ANTXR2: variants seen among roughly 807,000 people sequenced by gnomAD.
ANTXR2 encodes anthrax toxin receptor 2.
A neutral mutation model predicts 73.7 loss-of-function variants in ANTXR2; 44 were observed. The ratio of observed to expected loss-of-function variants is 0.60; its 90% CI spans 0.47 to 0.77. The LOEUF (loss-of-function observed/expected upper bound fraction) is 0.77. Among genes scored for constraint, ANTXR2 ranks in the 30% least tolerant of loss-of-function variants. ANTXR2 has a pLI of 0.00. For missense variants in ANTXR2, 604 were observed against 592.5 expected (o/e 1.02, Z -0.20); for synonymous variants, 217 against 205.9 (o/e 1.05, Z -0.46).
intron 16 of ANTXR2, among the ~76,000 whole-genome samples, chr4:79,911,123 T>C (rs1578075087): frequency 6.6e-6 from 1 of 152,212 alleles, no homozygotes; most frequent in South Asian, 2.1e-4. Context: ...TGGGCTGCCA[T>C]TTATATTACA....
intron 16 of ANTXR2, among the ~76,000 whole-genome samples, chr4:79,931,908 A>G (rs1288937009): frequency 6.6e-6 from 1 of 152,240 alleles, no homozygotes; most frequent in South Asian, 2.1e-4. Context: ...GACTCTGCCC[A>G]ACCATTCTTT....
chr4:79,974,880 T>C (rs1729565474), intron 16 of ANTXR2, among the ~76,000 whole-genome samples: 1 of 152,144 alleles, frequency 6.6e-6, no homozygotes, highest in African/African-American at 2.4e-5. Flanking sequence ...TGGGGCAACA[T>C]GTGAAATATT....
Position 79,903,835 on chromosome 4 carries a change from T to C in ANTXR2, c.*3594A>G, listed in dbSNP as rs1242422128. ...TTATGTATTTCCTTTCATATTGAAA[T>C]GATGCATATATTTCTTTCCTGTGTA... On this transcript the variant is annotated 3_prime_UTR_variant, in exon 17 of 17. Coordinates refer to ENST00000403729, the MANE Select transcript of ANTXR2 (RefSeq NM_058172.6). The C allele has an allele frequency of 6.6e-6, 1 of 152,170 alleles. No homozygotes were observed. The highest frequency in any genetic ancestry group is 2.4e-5 in the African/African-American group (1 of 41,452). 9.4% of individuals were successfully genotyped at this position (152,170 alleles called of 1,614,324 possible). A position where few individuals can be genotyped will look rare whatever the true frequency, so the allele number is the denominator to read the frequency against.
At chr4:80,066,695 T>TTC (rs1734512064) in intron 3 of ANTXR2, among the ~76,000 whole-genome samples, 1 of 140,686 alleles carries the variant, frequency 7.1e-6, no homozygotes, top group South Asian at 2.2e-4. Context: ...TTCATCAACT[T>TTC]TCATTCATGT....
chr4:80,037,117 T>C (rs1046222915), intron 7 of ANTXR2, among the ~76,000 whole-genome samples: 19 of 152,182 alleles, frequency 1.2e-4, no homozygotes, highest in African/African-American at 4.6e-4. Context: ...ATCCTGTCTT[T>C]ATTTTTAGAA....
intron 8 of ANTXR2, among the ~76,000 whole-genome samples, chr4:80,035,405 A>C (rs1384837022): frequency 6.6e-6 from 1 of 152,180 alleles, no homozygotes; most frequent in East Asian, 1.9e-4. Context: ...AAGTCAGGTT[A>C]AAATGAACTG....
Position 80,072,718 on chromosome 4 carries a change from G to A in ANTXR2, c.-158C>T. The A allele has an allele frequency of 3.7e-6, 5 of 1,348,562 alleles. No homozygotes were observed. Among genetic ancestry groups the A allele is most frequent in the Admixed American group, 3.8e-5 (1 of 26,468 alleles). 83.5% of individuals were successfully genotyped at this position (1,348,562 alleles called of 1,614,324 possible). ...CGGCAGCGGGACCCACCAGCTGACA[G>A]GGAGGGAGAGAGGGAGGTCCTGAGA... On this transcript the variant is annotated 5_prime_UTR_variant, in exon 1 of 17. Transcript: ENST00000403729.
intron 10 of ANTXR2, among the ~76,000 whole-genome samples, chr4:80,020,394 G>C (rs1050444464): frequency 2.0e-5 from 3 of 151,400 alleles, no homozygotes; most frequent in Non-Finnish European, 4.4e-5. Flanking sequence ...AAAAAAAAAA[G>C]CAAAAACAAA....
At chr4:79,956,911 T>C (rs914603908) in intron 16 of ANTXR2, among the ~76,000 whole-genome samples, 1 of 152,126 alleles carries the variant, frequency 6.6e-6, no homozygotes, top group African/African-American at 2.4e-5. Context: ...TTTCAGTTAA[T>C]GAACCTAAAT....
chr4:79,933,472 A>T (rs1331304811), intron 16 of ANTXR2, among the ~76,000 whole-genome samples: 1 of 152,176 alleles, frequency 6.6e-6, no homozygotes, highest in Non-Finnish European at 1.5e-5. Context: ...GTTACCTTTT[A>T]TCCACTGTAA....
chr4:80,049,661 T>C (rs1733685007), intron 7 of ANTXR2, among the ~76,000 whole-genome samples: 1 of 151,670 alleles, frequency 6.6e-6, no homozygotes, highest in Admixed American at 6.6e-5. Flanking sequence ...ATAACCCTCT[T>C]GTCCCCTCTG....
chr4:79,947,384 A>T (rs930264813), intron 16 of ANTXR2, among the ~76,000 whole-genome samples: 11 of 152,280 alleles, frequency 7.2e-5, no homozygotes, highest in African/African-American at 2.6e-4. Context: ...CACAACAAGG[A>T]TTGGTTTGGC....
In ANTXR2 at chr4:80,018,926, C is replaced by G; in HGVS notation, c.917G>C (p.Gly306Ala). Residue 306 changes from glycine to alanine, a missense_variant, in exon 11 of 17, where the codon GGA becomes GCA. Transcript: ENST00000403729. The stretch of plus-strand genomic sequence containing the variant: ...TTCTGTGGCTGTGACAATTAATGAT[C>G]CTGAAATGACAGATTTTCCTCCATT... ...SFNGGKSVIS[G>A]SLIVTATECS... 6.6e-7 allele frequency: 1 copy of G among 1,518,964 alleles called. No individual in the cohort carries two copies. The highest frequency in any genetic ancestry group is 8.8e-7 in the Non-Finnish European group (1 of 1,136,422). The allele number at this position is 1,518,964 out of a possible 1,614,324, so 94.1% of individuals were successfully genotyped here. A position where few individuals can be genotyped will look rare whatever the true frequency, so the allele number is the denominator to read the frequency against.
chr4:79,929,285 C>T (rs544108506), intron 16 of ANTXR2, among the ~76,000 whole-genome samples: 4 of 152,106 alleles, frequency 2.6e-5, no homozygotes, highest in African/African-American at 7.2e-5. Context: ...GAGGACAAGG[C>T]GGGTGAATCA....
At chr4:79,936,873 C>A (rs1227536685) in intron 16 of ANTXR2, among the ~76,000 whole-genome samples, 1 of 152,094 alleles carries the variant, frequency 6.6e-6, no homozygotes, top group Non-Finnish European at 1.5e-5. Flanking sequence ...AGGTACTACA[C>A]TCTACCACTG....
intron 12 of ANTXR2, among the ~76,000 whole-genome samples, chr4:80,003,224 T>C (rs1026377420): frequency 6.6e-6 from 1 of 151,974 alleles, no homozygotes; most frequent in African/African-American, 2.4e-5. Context: ...TGGAATACTA[T>C]GCAGCCATAA....
In ANTXR2 at chr4:80,035,986, C is replaced by G; in HGVS notation, c.683G>C (p.Ser228Thr). 1 of 1,539,798 alleles carries G rather than the reference C, an allele frequency of 6.5e-7. No homozygotes were observed. The highest frequency in any genetic ancestry group is 1.3e-5 in the South Asian group (1 of 78,874). Residue 228 changes from serine to threonine, a missense_variant, in exon 8 of 17, where the codon AGT becomes ACT. By Grantham distance (58) the Ser-to-Thr change is moderately conservative. Transcript: ENST00000403729. Reference sequence around the variant, plus strand: ...TAAACACTTACCCCCCACACAGACACTTGAGGGCTGCAATTCTAGGATTTC... The same window carrying G: ...TAAACACTTACCCCCCACACAGACAGTTGAGGGCTGCAATTCTAGGATTTC... ...CTEILELQPSSVCVGEEFQIV... is the reference protein window; with the variant it reads ...CTEILELQPSTVCVGEEFQIV...
chr4:79,973,128 G>A (rs1029234565), intron 16 of ANTXR2, among the ~76,000 whole-genome samples: 1 of 151,792 alleles, frequency 6.6e-6, no homozygotes, highest in Non-Finnish European at 1.5e-5. Context: ...GAGGAAGGTG[G>A]GGAGGAAGGG....
At chr4:79,986,756 T>C (rs1730184531) in intron 12 of ANTXR2, among the ~76,000 whole-genome samples, 1 of 152,164 alleles carries the variant, frequency 6.6e-6, no homozygotes, top group Non-Finnish European at 1.5e-5. Context: ...CAGAGTGTTT[T>C]GCCAGCAGTC....
Sources: allele counts gnomAD v4.1 joint callset (sites outside exome capture counted in the v4.1 genomes callset), GRCh38; gene constraint gnomAD v4.1.1; transcripts MANE v1.5; gene names NCBI Gene and HGNC (gene_info 2026-07-23, HGNC 2026-07-21).